The following MSMO1 variants were observed in gnomAD, a reference collection of about 807,000 sequenced individuals.
MSMO1 encodes methylsterol monooxygenase 1.
In MSMO1, 18 loss-of-function variants were observed where a neutral mutation model predicts 30.4. That is an observed-to-expected ratio of 0.59 (90% CI 0.41 to 0.88). The LOEUF (loss-of-function observed/expected upper bound fraction) is 0.88, where lower values mean the gene tolerates loss of function less well. Among genes scored for constraint, MSMO1 ranks in the 40% least tolerant of loss-of-function variants. The pLI is 0.00. For missense variants in MSMO1, 284 were observed against 340.5 expected, an observed-to-expected ratio of 0.83 and a Z score of 1.31; for synonymous variants, 84 against 107.9, an observed-to-expected ratio of 0.78 and a Z score of 1.37.
At position 165,342,812 on chromosome 4, in the gene MSMO1, TG is replaced by T. The variant is rs1324797641; in HGVS notation, c.*867del. 1 of 146,654 alleles carries T rather than the reference TG, an allele frequency of 6.8e-6. No individual in the cohort carries two copies. Among genetic ancestry groups the T allele is most frequent in the African/African-American group, 2.8e-5 (1 of 36,208 alleles). 9.1% of individuals were successfully genotyped at this position (146,654 alleles called of 1,614,324 possible). On this transcript the variant is annotated 3_prime_UTR_variant, in exon 6 of 6. Coordinates refer to ENST00000261507, the MANE Select transcript of MSMO1 (RefSeq NM_006745.5). ...TAATCTAGAGCTGACCAGTTTGAGC[TG>T]ATTCTCTCTTTGAAGAGTCCTTCTT...
intron 1 of MSMO1, among the ~76,000 whole-genome samples, chr4:165,328,283 A>G (rs893595827): frequency 2.0e-5 from 3 of 152,208 alleles, no homozygotes; most frequent in African/African-American, 7.2e-5. Context: ...GAGTGATCAG[A>G]TACTGCAAAA....
Position 165,341,872 on chromosome 4 carries a change from C to T in MSMO1, c.808C>T (p.Arg270Ter). The T allele has an allele frequency of 6.2e-7, 1 of 1,613,216 alleles. No individual in the cohort carries two copies. The change falls in exon 6 of 6, where the codon CGA (arginine) becomes TGA (stop). Residue 270 changes from arginine (R) to a stop codon, truncating the protein, a stop_gained. Coordinates refer to ENST00000261507, the MANE Select transcript of MSMO1 (RefSeq NM_006745.5). LOFTEE classifies it high-confidence loss of function. ...TGCTTCAACATTTACATGGTGGGATCGAATTTTTGGAACAGACTCTCAGTA... is the reference window on the plus strand; with the variant it reads ...TGCTTCAACATTTACATGGTGGGATTGAATTTTTGGAACAGACTCTCAGTA... ...NYASTFTWWD[R>*]IFGTDSQYNA...
rs200617052 is a variant in MSMO1, at chr4:165,330,005, TATA to T, written c.-32+2243_-32+2245del. 3.8e-3 allele frequency among the ~76,000 whole-genome samples: 581 copies of T among 152,292 alleles called. 3 individuals are homozygous for T. Among genetic ancestry groups the T allele is most frequent in the African/African-American group, 0.013 (531 of 41,550 alleles). The stretch of plus-strand genomic sequence containing the variant: ...AGAATGCAGATTGCAGTTGCTAGAA[TATA>T]AACAGGAAATAAGAAGATAAAGACA... On this transcript the variant is annotated intron_variant, in intron 1 of 5. Transcript: ENST00000261507.
chr4:165,341,673 AAC>A (rs1747717844), intron 5 of MSMO1, 76 bp from the exon 6 acceptor site: 1 of 1,345,052 alleles, frequency 7.4e-7, no homozygotes, highest in Non-Finnish European at 1.1e-6. Context: ...GGTTAATGTG[AAC>A]ACATGATTAT....
chr4:165,332,522 ATG>A (rs1747425897), intron 1 of MSMO1, among the ~76,000 whole-genome samples: 1 of 152,142 alleles, frequency 6.6e-6, no homozygotes, highest in Non-Finnish European at 1.5e-5. Context: ...GGATCAAAGG[ATG>A]TATTCATTTT....
At chr4:165,336,428 G>A (rs1325458037) in intron 2 of MSMO1, among the ~76,000 whole-genome samples, 2 of 152,138 alleles carry the variant, frequency 1.3e-5, no homozygotes, top group African/African-American at 4.8e-5. Context: ...ATTGCTAACT[G>A]TCTTTGTAAC....
chr4:165,337,759 A>AAT, intron 2 of MSMO1, 30 bp from the exon 3 acceptor site: 1 of 1,609,340 alleles, frequency 6.2e-7, no homozygotes, highest in African/African-American at 1.3e-5. Context: ...AGCAGAGACT[A>AAT]ATATTAGATA....
At chr4:165,340,503 C>G in intron 5 of MSMO1, 128 bp downstream of exon 5, 1 of 803,492 alleles carries the variant, frequency 1.2e-6, no homozygotes, top group Non-Finnish European at 2.0e-6. Flanking sequence ...ATTAAGAAAA[C>G]ATAACTGTTG....
In MSMO1 at chr4:165,333,478, T is replaced by C; in HGVS notation, c.108T>C (p.Ala36=). 3 of 1,613,550 alleles carry C rather than the reference T, an allele frequency of 1.9e-6. No homozygotes were observed. Among genetic ancestry groups the C allele is most frequent in the Non-Finnish European group, 2.5e-6 (3 of 1,179,744 alleles). ...ENPLQEPFKN[A]WNYMLNNYTK... is the part of the protein sequence containing the mutation. Reference sequence around the variant, plus strand: ...CTCTGCAAGAACCATTTAAAAATGCTTGGAACTATATGTTGAATAATTATA... The same window carrying C: ...CTCTGCAAGAACCATTTAAAAATGCCTGGAACTATATGTTGAATAATTATA... Residue 36 remains alanine (A), a synonymous_variant, in exon 2 of 6, where the codon GCT becomes GCC. Transcript: ENST00000261507.
At chr4:165,332,189 T>C (rs988971383) in intron 1 of MSMO1, among the ~76,000 whole-genome samples, 1 of 152,216 alleles carries the variant, frequency 6.6e-6, no homozygotes, top group Non-Finnish European at 1.5e-5. Context: ...TATATACATA[T>C]GCATAAAAGT....
intron 1 of MSMO1, among the ~76,000 whole-genome samples, chr4:165,332,252 A>T (rs922078144): frequency 2.6e-5 from 4 of 152,346 alleles, no homozygotes; most frequent in African/African-American, 9.6e-5. Flanking sequence ...GGCTCTTGCT[A>T]TGCATACTGT....
chr4:165,330,454 C>T (rs911144605), intron 1 of MSMO1, among the ~76,000 whole-genome samples: 2 of 151,960 alleles, frequency 1.3e-5, no homozygotes, highest in Non-Finnish European at 2.9e-5. Context: ...ATTGGAAGAC[C>T]TACTGTTTTA....
intron 1 of MSMO1, 148 bp from the exon 2 acceptor site, chr4:165,333,192 T>G: frequency 1.8e-6 from 1 of 556,626 alleles, no homozygotes; most frequent in Non-Finnish European, 3.1e-6. Context: ...TGTAAAACCA[T>G]TTGTACTCCT....
At chr4:165,329,787 A>C (rs1747341604) in intron 1 of MSMO1, among the ~76,000 whole-genome samples, 1 of 151,956 alleles carries the variant, frequency 6.6e-6, no homozygotes, top group African/African-American at 2.4e-5. Flanking sequence ...GGCATACGCC[A>C]CCACACCCGG....
At chr4:165,331,569 G>T (rs939902678) in intron 1 of MSMO1, among the ~76,000 whole-genome samples, 16 of 152,210 alleles carry the variant, frequency 1.1e-4, no homozygotes, top group Non-Finnish European at 2.2e-4. Context: ...AAGGAGGACG[G>T]CCTGAAGTGA....
At position 165,342,070 on chromosome 4, in the gene MSMO1, TAAC is replaced by T; in HGVS notation, c.*128_*130del. On this transcript the variant is annotated 3_prime_UTR_variant, in exon 6 of 6. Coordinates refer to ENST00000261507, the MANE Select transcript of MSMO1 (RefSeq NM_006745.5). ...GGCTACTAAGTGATAAAAAGAACATTAACAACCTTTAATTACCTTCCTAGTGGG... is the reference window on the plus strand; with the variant it reads ...GGCTACTAAGTGATAAAAAGAACATTAACCTTTAATTACCTTCCTAGTGGG... The T allele has an allele frequency of 1.2e-6, 1 of 813,938 alleles. No homozygotes were observed. Among genetic ancestry groups the T allele is most frequent in the East Asian group, 2.7e-5 (1 of 37,398 alleles). 50.4% of individuals were successfully genotyped at this position (813,938 alleles called of 1,614,324 possible).
chr4:165,329,478 C>G (rs1031097862), intron 1 of MSMO1, among the ~76,000 whole-genome samples: 48 of 150,812 alleles, frequency 3.2e-4, no homozygotes, highest in African/African-American at 1.1e-3. Flanking sequence ...ATGCACAATA[C>G]TTGTCAGAGT....
intron 5 of MSMO1, 42 bp downstream of exon 5, chr4:165,340,417 A>G: frequency 1.3e-6 from 2 of 1,512,376 alleles, no homozygotes; most frequent in Non-Finnish European, 1.8e-6. Flanking sequence ...ATAATGAAAT[A>G]TATTTATTTT....
intron 1 of MSMO1, among the ~76,000 whole-genome samples, chr4:165,329,625 A>T (rs1387405250): frequency 7.4e-4 from 50 of 67,988 alleles, no homozygotes; most frequent in African/African-American, 1.5e-3. Context: ...ATCCATAGCG[A>T]TTTTTTTTTT....
Sources: gnomAD v4.1 joint callset for allele counts (sites outside exome capture counted in the v4.1 genomes callset) on GRCh38, gnomAD v4.1.1 for gene constraint, MANE v1.5 for transcripts, NCBI Gene and HGNC (gene_info 2026-07-23, HGNC 2026-07-21) for gene names.